Variants in MPDZ observed in about 807,000 individuals in gnomAD.
MPDZ encodes the protein multiple PDZ domain crumbs cell polarity complex component.
In MPDZ, 234 loss-of-function variants were observed where a neutral mutation model predicts 239.1. The observed-to-expected ratio is 0.98, with a 90% CI of 0.88 to 1.09. The LOEUF (loss-of-function observed/expected upper bound fraction) is 1.09. Ranked by LOEUF, MPDZ falls within the 50% of genes least tolerant of loss-of-function variation. The probability of loss-of-function intolerance (pLI) is 0.00; values close to 1 mark genes in which losing one functional copy is unlikely to be tolerated. For missense variants in MPDZ, 3,175 were observed against 2,510.0 expected (o/e 1.26, Z -5.66); for synonymous variants, 1,048 against 881.3 (o/e 1.19, Z -3.35).
At chr9:13,197,035 T>TAATA (rs1352598744) in intron 12 of MPDZ, among the ~76,000 whole-genome samples, 5 of 151,936 alleles carry the variant, frequency 3.3e-5, no homozygotes, top group Admixed American at 3.3e-4. Context: ...GATTTCTTAT[T>TAATA]AGTTGCCTCC....
At chr9:13,157,991 T>G in intron 24 of MPDZ, 27 bp downstream of exon 24, 2 of 1,584,750 alleles carry the variant, frequency 1.3e-6, no homozygotes, top group South Asian at 1.1e-5. Flanking sequence ...ATCCATTGGG[T>G]GGACAGAAGA....
chr9:13,144,118 TA>T (rs1301103304), intron 26 of MPDZ, among the ~76,000 whole-genome samples: 5 of 152,030 alleles, frequency 3.3e-5, no homozygotes, highest in African/African-American at 1.2e-4. Context: ...TTTTTTAAAT[TA>T]AAAAAACAGT....
At chr9:13,246,202 C>T (rs1301349541) in intron 3 of MPDZ, among the ~76,000 whole-genome samples, 1 of 152,162 alleles carries the variant, frequency 6.6e-6, no homozygotes. Flanking sequence ...AATCCCAGCA[C>T]TTCGGGAGGC....
chr9:13,243,980 C>A (rs1209803978), intron 3 of MPDZ, among the ~76,000 whole-genome samples: 1 of 152,178 alleles, frequency 6.6e-6, no homozygotes, highest in African/African-American at 2.4e-5. Flanking sequence ...CCTGAGTCAT[C>A]TACATTATTT....
chr9:13,213,250 C>A (rs1011295257), intron 10 of MPDZ, among the ~76,000 whole-genome samples: 2 of 151,994 alleles, frequency 1.3e-5, no homozygotes, highest in African/African-American at 4.8e-5. Context: ...TCAGTCTATT[C>A]CTTGTCACTG....
At position 13,107,999 on chromosome 9, in the gene MPDZ, C is replaced by T. The variant is rs115843831; in HGVS notation, c.6067-888G>A. Among the ~76,000 whole-genome samples the T allele has an allele frequency of 4.5e-3, 679 of 152,086 alleles. 4 individuals carry two copies. Among genetic ancestry groups the T allele is most frequent in the African/African-American group, 0.016 (649 of 41,492 alleles). On this transcript the variant is annotated intron_variant, in intron 46 of 46. Coordinates refer to ENST00000319217, the MANE Select transcript of MPDZ (RefSeq NM_001378778.1). ...ACATACCGATAGCTTTTTTAAAAAT[C>T]TTATAAATTAAGCCTATAGCTAGCT...
chr9:13,172,010 CCTTCCTACACTAAAG>C (rs1461696701), intron 21 of MPDZ, among the ~76,000 whole-genome samples: 1 of 152,188 alleles, frequency 6.6e-6, no homozygotes, highest in Non-Finnish European at 1.5e-5. Context: ...ACAGCCAAAA[CCTTCCTACACTAAAG>C]CTTAATTTAA....
intron 24 of MPDZ, among the ~76,000 whole-genome samples, chr9:13,155,578 C>T (rs920152687): frequency 6.6e-6 from 1 of 152,026 alleles, no homozygotes; most frequent in Non-Finnish European, 1.5e-5. Flanking sequence ...GAAAATAATA[C>T]ATGTAGTAGT....
chr9:13,253,496 A>T (rs1167698129), intron 1 of MPDZ, among the ~76,000 whole-genome samples: 1 of 152,200 alleles, frequency 6.6e-6, no homozygotes, highest in Non-Finnish European at 1.5e-5. Context: ...AAAATTTTTT[A>T]GATAGAGTCC....
chr9:13,234,953 T>G (rs1336223403), intron 3 of MPDZ, among the ~76,000 whole-genome samples: 4 of 152,136 alleles, frequency 2.6e-5, no homozygotes, highest in Admixed American at 2.6e-4. Context: ...AAAGATAGGA[T>G]GCTGAGAGCA....
intron 26 of MPDZ, among the ~76,000 whole-genome samples, chr9:13,146,017 C>A (rs1948388387): frequency 6.6e-6 from 1 of 152,080 alleles, no homozygotes; most frequent in African/African-American, 2.4e-5. Context: ...CTATGTTTAA[C>A]ACACAAATGG....
intron 27 of MPDZ, among the ~76,000 whole-genome samples, chr9:13,141,575 G>C (rs1311450109): frequency 6.6e-6 from 1 of 151,924 alleles, no homozygotes; most frequent in Non-Finnish European, 1.5e-5. Context: ...TATTATATAT[G>C]TTTATATCTA....
intron 1 of MPDZ, among the ~76,000 whole-genome samples, chr9:13,269,073 AG>A (rs1972421289): frequency 6.6e-6 from 1 of 152,086 alleles, no homozygotes; most frequent in Non-Finnish European, 1.5e-5. Flanking sequence ...AAGAAAAAAA[AG>A]AAAAGATACA....
intron 19 of MPDZ, among the ~76,000 whole-genome samples, chr9:13,181,519 C>T (rs1003471585): frequency 2.0e-5 from 3 of 152,130 alleles, no homozygotes; most frequent in Non-Finnish European, 2.9e-5. Context: ...TAAAAGCACA[C>T]AGGAGTTTCA....
chr9:13,170,391 T>C (rs1951637563), intron 21 of MPDZ, among the ~76,000 whole-genome samples: 1 of 152,174 alleles, frequency 6.6e-6, no homozygotes, highest in African/African-American at 2.4e-5. Context: ...GTACTTAAAA[T>C]ATTCTGTTAA....
chr9:13,116,976 C>A (rs926276243), intron 39 of MPDZ, among the ~76,000 whole-genome samples: 4 of 151,968 alleles, frequency 2.6e-5, no homozygotes, highest in African/African-American at 7.3e-5. Context: ...GTTCTAAGAC[C>A]CCCCGCCAGT....
At chr9:13,212,901 CT>C (rs1049946153) in intron 10 of MPDZ, among the ~76,000 whole-genome samples, 3 of 151,166 alleles carry the variant, frequency 2.0e-5, no homozygotes, top group Non-Finnish European at 2.9e-5. Flanking sequence ...GTTGGAACAA[CT>C]TACAAAATCT....
In MPDZ at chr9:13,140,393, CAT is replaced by C. The variant is rs535672637; in HGVS notation, c.3841-246_3841-245del. On this transcript the variant is annotated intron_variant, in intron 27 of 46. Transcript: ENST00000319217. ...GATTGTTAAATATTTTATATATATACATATATATATATATATGTATATATATG... is the reference window on the plus strand; with the variant it reads ...GATTGTTAAATATTTTATATATATACATATATATATATATGTATATATATG... Among the ~76,000 whole-genome samples the C allele has an allele frequency of 5.9e-3, 811 of 136,502 alleles. 7 individuals are homozygous for C. Among genetic ancestry groups the C allele is most frequent in the African/African-American group, 0.014 (505 of 35,654 alleles). The allele number at this position is 136,502 out of a possible 152,430, so 89.6% of individuals were successfully genotyped here. A position where few individuals can be genotyped will look rare whatever the true frequency, so the allele number is the denominator to read the frequency against.
At chr9:13,111,001 T>C (rs528795653) in intron 43 of MPDZ, among the ~76,000 whole-genome samples, 91 of 152,294 alleles carry the variant, frequency 6.0e-4, no homozygotes, top group Non-Finnish European at 1.1e-3. Flanking sequence ...TGCTCTTCAT[T>C]TCTCTTGGGT....
Sources: allele counts gnomAD v4.1 joint callset (sites outside exome capture counted in the v4.1 genomes callset), GRCh38; gene constraint gnomAD v4.1.1; transcripts MANE v1.5; gene names NCBI Gene and HGNC (gene_info 2026-07-23, HGNC 2026-07-21).